REXO5: variants seen among roughly 807,000 people sequenced by gnomAD.
REXO5 encodes RNA exonuclease 5.
REXO5 carries 48 observed loss-of-function variants against 88.5 expected under a neutral mutation model. That is an observed-to-expected ratio of 0.54 (90% confidence interval 0.43 to 0.69). The LOEUF is 0.69. REXO5 is among the 30% of genes least tolerant of loss of function. The probability of loss-of-function intolerance (pLI) is 0.00; values close to 1 mark genes in which losing one functional copy is unlikely to be tolerated. For missense variants in REXO5, 749 were observed against 912.2 expected, an observed-to-expected ratio of 0.82 and a Z score of 2.30; for synonymous variants, 311 against 336.5, an observed-to-expected ratio of 0.92 and a Z score of 0.83.
intron 8 of REXO5, among the ~76,000 whole-genome samples, chr16:20,826,158 G>A (rs1295865949): frequency 2.6e-5 from 4 of 152,114 alleles, no homozygotes; most frequent in Non-Finnish European, 4.4e-5. Flanking sequence ...ATCTTCTTGT[G>A]ACCTTAAGTC....
chr16:20,813,756 T>C (rs1389378831), intron 3 of REXO5, among the ~76,000 whole-genome samples: 2 of 152,182 alleles, frequency 1.3e-5, no homozygotes, highest in African/African-American at 4.8e-5. Context: ...TTCTTTCTTT[T>C]ACAAATAAAA....
At position 20,816,212 on chromosome 16, in the gene REXO5, G is replaced by A; in HGVS notation, c.475G>A (p.Gly159Arg). Reference sequence around the variant, plus strand: ...TGGAGATCTGCCCAAGACAATGGAAGGTATAGCTATGATGCTGGTTTGATG... The same window carrying A: ...TGGAGATCTGCCCAAGACAATGGAAAGTATAGCTATGATGCTGGTTTGATG... ...RAGDLPKTME[G>R]PLPSNAKAAI... is the part of the protein sequence containing the mutation. The change falls in exon 5 of 20, where the codon GGG becomes AGG. Residue 159 changes from glycine to arginine, a missense_variant and splice_region_variant. Gly to Arg is a moderately radical substitution (Grantham distance 125, BLOSUM62 -2). Coordinates refer to ENST00000261377, the MANE Select transcript of REXO5 (RefSeq NM_030941.3). 1 of 1,608,896 alleles carries A rather than the reference G, an allele frequency of 6.2e-7. No individual in the cohort carries two copies.
chr16:20,849,539 TG>T lies in REXO5; in HGVS notation c.*60del, dbSNP rs1441984331. 3 of 1,500,534 alleles carry T rather than the reference TG, an allele frequency of 2.0e-6. No homozygotes were observed. The highest frequency in any genetic ancestry group is 2.8e-6 in the Non-Finnish European group (3 of 1,077,032). The allele number at this position is 1,500,534 out of a possible 1,614,324, so 93.0% of individuals were successfully genotyped here. On this transcript the variant is annotated 3_prime_UTR_variant, in exon 20 of 20. Coordinates refer to ENST00000261377, the MANE Select transcript of REXO5 (RefSeq NM_030941.3). ...ACCCCTTGTAGGCAATGGCAAAGAATGTGGTCAGGCTGTAGCCTCCCCAACC... is the reference window on the plus strand; with the variant it reads ...ACCCCTTGTAGGCAATGGCAAAGAATTGGTCAGGCTGTAGCCTCCCCAACC...
chr16:20,843,039 G>A (rs1941408648), intron 15 of REXO5, among the ~76,000 whole-genome samples: 1 of 152,178 alleles, frequency 6.6e-6, no homozygotes, highest in African/African-American at 2.4e-5. Flanking sequence ...CCATCCTAAT[G>A]GATGTGAAAT....
intron 6 of REXO5, among the ~76,000 whole-genome samples, chr16:20,824,020 C>A (rs1211294702): frequency 6.6e-6 from 1 of 152,150 alleles, no homozygotes; most frequent in Non-Finnish European, 1.5e-5. Flanking sequence ...AATCTCATTC[C>A]TATTTTCTCT....
chr16:20,806,898 CG>C, intron 1 of REXO5, 53 bp from the exon 2 acceptor site: 1 of 1,531,726 alleles, frequency 6.5e-7, no homozygotes, highest in Non-Finnish European at 8.8e-7. Flanking sequence ...AGGCGGCACG[CG>C]GGGGAATAGG....
intron 7 of REXO5, among the ~76,000 whole-genome samples, chr16:20,825,024 G>A (rs1596585151): frequency 6.6e-6 from 1 of 151,904 alleles, no homozygotes; most frequent in Non-Finnish European, 1.5e-5. Context: ...AAAAAATCAC[G>A]TTTTCCAACT....
chr16:20,815,196 A>G (rs1251509762), intron 4 of REXO5, 143 bp downstream of exon 4: 1 of 757,030 alleles, frequency 1.3e-6, no homozygotes, highest in Non-Finnish European at 2.0e-6. Context: ...TAGAGGCCTC[A>G]TGTAGATTTG....
At chr16:20,820,982 T>C (rs972514151) in intron 5 of REXO5, 3 of 152,152 alleles carry the variant, frequency 2.0e-5, no homozygotes, top group Non-Finnish European at 4.4e-5. Flanking sequence ...TTGGTCAATC[T>C]ATAGATGATC....
At chr16:20,826,024 G>A in intron 8 of REXO5, 76 bp downstream of exon 8, 1 of 921,472 alleles carries the variant, frequency 1.1e-6, no homozygotes. Flanking sequence ...ATGGCCCACA[G>A]CTTCAGTTTA....
At chr16:20,827,325 TACTCA>T (rs2081274791) in intron 9 of REXO5, 23 bp from the exon 10 acceptor site, 6 of 1,602,394 alleles carry the variant, frequency 3.7e-6, no homozygotes, top group Non-Finnish European at 4.3e-6. Context: ...CATAAGACAC[TACTCA>T]TTTTATTCTC....
chr16:20,820,512 TTATATATATATATATATATATA>T (rs200960325), intron 5 of REXO5, among the ~76,000 whole-genome samples: 1 of 45,702 alleles, frequency 2.2e-5, no homozygotes, highest in Non-Finnish European at 3.5e-5. Context: ...TTCTCTCTCT[TTATATATATATATATATATATA>T]TATATATATA....
In REXO5 at chr16:20,813,210, T is replaced by C. The variant is rs2081027695; in HGVS notation, c.159T>C (p.Ile53=). ...TGCAGAAAGCCCGCTTATCTACCAT[T>C]TTATTTACTGACAACTGTGAAGTAA... ...PEAKKARLST[I]LFTDNCEVTH... The change falls in exon 3 of 20, where the codon ATT becomes ATC. Residue 53 remains isoleucine (I), a synonymous_variant. Transcript: ENST00000261377. 6.2e-7 allele frequency: 1 copy of C among 1,613,740 alleles called. No individual in the cohort carries two copies. The highest frequency in any genetic ancestry group is 1.3e-5 in the African/African-American group (1 of 75,036).
chr16:20,832,283 G>C, intron 12 of REXO5, 24 bp downstream of exon 12: 2 of 1,473,672 alleles, frequency 1.4e-6, no homozygotes, highest in Non-Finnish European at 1.9e-6. Context: ...TTTGAAACAA[G>C]AGCAAAGACA....
intron 5 of REXO5, among the ~76,000 whole-genome samples, chr16:20,820,310 T>C (rs1029399869): frequency 6.6e-6 from 1 of 151,846 alleles, no homozygotes; most frequent in African/African-American, 2.4e-5. Flanking sequence ...CTTCTACTTA[T>C]GATACTTTGG....
At chr16:20,828,601 C>T (rs2081292455) in intron 11 of REXO5, 64 bp downstream of exon 11, 2 of 1,102,044 alleles carry the variant, frequency 1.8e-6, no homozygotes, top group East Asian at 2.4e-5. Context: ...CAGATTATCA[C>T]AGACTACCAA....
chr16:20,846,170 G>A, intron 18 of REXO5, 51 bp from the exon 19 acceptor site: 1 of 1,404,430 alleles, frequency 7.1e-7, no homozygotes, highest in Non-Finnish European at 1.0e-6. Context: ...CCCTTCCAAA[G>A]GTAACGAGAG....
rs78309544 is a variant in REXO5 at position 20,840,694 on chromosome 16, G to A, written c.1626+226G>A. 6.7e-3 allele frequency among the ~76,000 whole-genome samples: 1,020 copies of A among 152,266 alleles called. 18 individuals are homozygous for A. Among genetic ancestry groups the A allele is most frequent in the African/African-American group, 0.023 (949 of 41,550 alleles). ...AAAGAATTGAGAAATCTGGCTGGGCGCAGTGGCCTATACCTGTAATCCCAG... is the reference window on the plus strand; with the variant it reads ...AAAGAATTGAGAAATCTGGCTGGGCACAGTGGCCTATACCTGTAATCCCAG... On this transcript the variant is annotated intron_variant, in intron 15 of 19. Transcript: ENST00000261377.
At chr16:20,816,080 C>A in intron 4 of REXO5, 36 bp from the exon 5 acceptor site, 1 of 1,570,740 alleles carries the variant, frequency 6.4e-7, no homozygotes, top group South Asian at 1.1e-5. Context: ...TAGCTGTTTT[C>A]AACCATTTTT....
Sources: allele counts gnomAD v4.1 joint callset (sites outside exome capture counted in the v4.1 genomes callset), GRCh38; gene constraint gnomAD v4.1.1; transcripts MANE v1.5; gene names NCBI Gene and HGNC (gene_info 2026-07-23, HGNC 2026-07-21).